The following OTOP1 variants were observed in gnomAD, a reference collection of about 807,000 sequenced individuals.
The protein encoded by OTOP1 is otopetrin 1, also known as proton channel OTOP1.
Under a neutral mutation model 52.9 loss-of-function variants are expected in OTOP1, and 59 were observed. The ratio of observed to expected loss-of-function variants is 1.12; its 90% CI spans 0.91 to 1.39. The LOEUF (loss-of-function observed/expected upper bound fraction) is 1.39. Among genes scored for constraint, OTOP1 ranks in the 40% most tolerant of loss-of-function variants. The pLI is 0.00. For missense variants in OTOP1, 761 were observed against 800.9 expected, an observed-to-expected ratio of 0.95 and a Z score of 0.60; for synonymous variants, 317 against 337.7, an observed-to-expected ratio of 0.94 and a Z score of 0.67.
chr4:4,222,650 C>G (rs1717327151), intron 1 of OTOP1, among the ~76,000 whole-genome samples: 1 of 152,190 alleles, frequency 6.6e-6, no homozygotes, highest in Non-Finnish European at 1.5e-5. Context: ...TGGAGTTAAG[C>G]AAGACCCTCA....
At chr4:4,221,676 C>G (rs1304047892) in intron 1 of OTOP1, among the ~76,000 whole-genome samples, 3 of 152,172 alleles carry the variant, frequency 2.0e-5, no homozygotes, top group Admixed American at 6.5e-5. Context: ...GTTTCTCTGC[C>G]TGAACATCAG....
intron 4 of OTOP1, among the ~76,000 whole-genome samples, chr4:4,200,873 A>G (rs2980132): frequency 0.67 from 102,235 of 151,950 alleles, 34,900 homozygotes; most frequent in African/African-American, 0.75. Context: ...CTTCAATTCA[A>G]GCAGGGCTTC....
At position 4,226,527 on chromosome 4, in the gene OTOP1, CG is replaced by C; in HGVS notation, c.337del (p.Arg113AlafsTer91). 6.3e-7 allele frequency: 1 copy of C among 1,597,468 alleles called. No individual in the cohort carries two copies. The highest frequency in any genetic ancestry group is 1.1e-5 in the South Asian group (1 of 89,916). On this transcript the variant is annotated frameshift_variant, in exon 1 of 6. Transcript: ENST00000296358. LOFTEE classifies it high-confidence loss of function. ...GAAGAGGCGGCGGTGCGCGGAGCTGCGGCCCACGTACCACAGCATCCACAGC... is the reference window on the plus strand; with the variant it reads ...GAAGAGGCGGCGGTGCGCGGAGCTGCGCCCACGTACCACAGCATCCACAGC... ...QLLWMLWYVG[R>X]SSAHRRLFRL...
At chr4:4,226,400 GC>G in intron 1 of OTOP1, 61 bp downstream of exon 1, 5 of 1,360,898 alleles carry the variant, frequency 3.7e-6, no homozygotes, top group Non-Finnish European at 4.7e-6. Flanking sequence ...GCGCAGAGCA[GC>G]CTCAGGATGC....
intron 1 of OTOP1, among the ~76,000 whole-genome samples, chr4:4,222,725 A>G (rs767784831): frequency 4.6e-5 from 7 of 152,188 alleles, no homozygotes; most frequent in Non-Finnish European, 8.8e-5. Flanking sequence ...CCCTCTGCCT[A>G]TTGATCTAAG....
At position 4,202,491 on chromosome 4, in the gene OTOP1, G is replaced by C. The variant is rs1433502713; in HGVS notation, c.687C>G (p.His229Gln). The C allele has an allele frequency of 3.1e-6, 5 of 1,613,936 alleles. No individual in the cohort carries two copies. The East Asian group carries it at 1.1e-4, about 36-fold the overall frequency. The change falls in exon 4 of 6, where the codon CAC becomes CAG. Residue 229 changes from histidine (H) to glutamine (Q), a missense_variant. This residue lies in a region of OTOP1 where 632 missense variants were observed against 619.5 expected (regional missense o/e 1.02). Coordinates refer to ENST00000296358, the MANE Select transcript of OTOP1 (RefSeq NM_177998.3). ...AACCCAGAGTGATGAGCCGTTCCTT[G>C]TGCTCATTGAGTTGGTGCTTTGACT... is the stretch of plus-strand genomic sequence containing the variant. Reference protein sequence around the residue: ...LNESKHQLNEHKERLITLGFG... With the variant: ...LNESKHQLNEQKERLITLGFG...
intron 2 of OTOP1, among the ~76,000 whole-genome samples, chr4:4,207,595 GTATATATATA>G (rs10582588): frequency 6.7e-6 from 1 of 149,938 alleles, no homozygotes; most frequent in Non-Finnish European, 1.5e-5. Context: ...CCACTTCTGG[GTATATATATA>G]TATATATATC....
intron 1 of OTOP1, among the ~76,000 whole-genome samples, chr4:4,226,106 G>C (rs1270611853): frequency 6.6e-6 from 1 of 152,210 alleles, no homozygotes; most frequent in Non-Finnish European, 1.5e-5. Flanking sequence ...ACGGGCCCTC[G>C]GGGGCCGAGT....
At position 4,203,707 on chromosome 4, in the gene OTOP1, G is replaced by A. The variant is rs139699895; in HGVS notation, c.600-1129C>T. Among the ~76,000 whole-genome samples, 1,126 of 152,342 alleles carry A rather than the reference G, an allele frequency of 7.4e-3. 2 individuals carry two copies. The highest frequency in any genetic ancestry group is 0.014 in the Middle Eastern group (4 of 294). On this transcript the variant is annotated intron_variant, in intron 3 of 5. Transcript: ENST00000296358. Reference sequence around the variant, plus strand: ...TAGCTTTCAGGGTACTTAGCAATGTGCCTCACAGGTAGCACGTGCAGCAAA... The same window carrying A: ...TAGCTTTCAGGGTACTTAGCAATGTACCTCACAGGTAGCACGTGCAGCAAA...
chr4:4,196,339 G>A (rs1369199991), intron 5 of OTOP1, among the ~76,000 whole-genome samples: 1 of 152,140 alleles, frequency 6.6e-6, no homozygotes, highest in Non-Finnish European at 1.5e-5. Context: ...ATCACTTGAG[G>A]TCAGGAGTTC....
In OTOP1 at chr4:4,197,575, C is replaced by G. The variant is rs151007916; in HGVS notation, c.1259G>C (p.Arg420Pro). 2.0e-3 allele frequency: 3,300 copies of G among 1,613,866 alleles called. 7 individuals are homozygous for G. Among genetic ancestry groups the G allele is most frequent in the Non-Finnish European group, 2.1e-3 (2,521 of 1,179,986 alleles). The stretch of plus-strand genomic sequence containing the variant: ...GTAGGGCAGGTTGTACCAGGTGTAG[C>G]GGGGGTGGCCCTCAGCACAGAGGAT... ...LAILCAEGHP[R>P]YTWYNLPYSI... is the part of the protein sequence containing the mutation. The change falls in exon 5 of 6, where the codon CGC becomes CCC. Residue 420 changes from arginine to proline, a missense_variant. Coordinates refer to ENST00000296358, the MANE Select transcript of OTOP1 (RefSeq NM_177998.3).
rs1716656561 is a variant in OTOP1 at position 4,197,200 on chromosome 4, T to C, written c.1634A>G (p.Asn545Ser). ...GCAGAGGAACAAGAAGGCTGCAATA[T>C]TCCTCAGGACTTTTCTCTTGGCGTT... ...QGNAKRKVLR[N>S]IAAFLFLCNI... Residue 545 changes from asparagine to serine, a missense_variant, in exon 5 of 6, where the codon AAT becomes AGT. Coordinates refer to ENST00000296358, the MANE Select transcript of OTOP1 (RefSeq NM_177998.3). 1.2e-6 allele frequency: 2 copies of C among 1,612,558 alleles called. No individual in the cohort carries two copies. Among genetic ancestry groups the C allele is most frequent in the Non-Finnish European group, 1.7e-6 (2 of 1,179,288 alleles).
chr4:4,208,081 A>T (rs1716947554), intron 2 of OTOP1, among the ~76,000 whole-genome samples: 2 of 152,168 alleles, frequency 1.3e-5, no homozygotes, highest in South Asian at 4.1e-4. Context: ...GCACAGGAAG[A>T]CATCAGGTAT....
At chr4:4,208,552 T>C (rs1275771559) in intron 2 of OTOP1, among the ~76,000 whole-genome samples, 1 of 152,152 alleles carries the variant, frequency 6.6e-6, no homozygotes, top group African/African-American at 2.4e-5. Context: ...ATGATTCAAT[T>C]TGTATGAGGC....
intron 1 of OTOP1, among the ~76,000 whole-genome samples, chr4:4,215,792 G>A (rs1378785914): frequency 6.6e-6 from 1 of 151,692 alleles, no homozygotes; most frequent in Non-Finnish European, 1.5e-5. Flanking sequence ...AAAATAGAAA[G>A]TTTATTTATT....
chr4:4,204,022 A>C (rs550577758), intron 3 of OTOP1, among the ~76,000 whole-genome samples: 2 of 152,252 alleles, frequency 1.3e-5, no homozygotes, highest in African/African-American at 2.4e-5. Flanking sequence ...ATTTATTAAA[A>C]GCAGACAACC....
At position 4,197,354 on chromosome 4, in the gene OTOP1, C is replaced by T; in HGVS notation, c.1480G>A (p.Asp494Asn). 6.2e-7 allele frequency: 1 copy of T among 1,614,074 alleles called. No individual in the cohort carries two copies. The highest frequency in any genetic ancestry group is 8.5e-7 in the Non-Finnish European group (1 of 1,180,012). The change falls in exon 5 of 6, where the codon GAC becomes AAC. Residue 494 changes from aspartate (D) to asparagine (N), a missense_variant. By Grantham distance (23) the Asp-to-Asn change is conservative. Coordinates refer to ENST00000296358, the MANE Select transcript of OTOP1 (RefSeq NM_177998.3). Reference protein sequence around the residue: ...VARDVAPQGKDMPPAANGNVC... With the variant: ...VARDVAPQGKNMPPAANGNVC... The stretch of plus-strand genomic sequence containing the variant: ...TTTCCATTGGCTGCTGGTGGCATGT[C>T]CTTGCCCTGGGGAGCCACATCTCTG...
At chr4:4,224,266 G>C (rs1717371759) in intron 1 of OTOP1, among the ~76,000 whole-genome samples, 1 of 151,764 alleles carries the variant, frequency 6.6e-6, no homozygotes, top group Non-Finnish European at 1.5e-5. Flanking sequence ...AGAATCGTTT[G>C]AACCCGGGAG....
At chr4:4,196,549 C>A (rs1716630489) in intron 5 of OTOP1, among the ~76,000 whole-genome samples, 4 of 152,104 alleles carry the variant, frequency 2.6e-5, no homozygotes, top group Admixed American at 2.6e-4. Flanking sequence ...AAGAGTGAAA[C>A]TCTGTCTCAA....
Sources: allele counts gnomAD v4.1 joint callset (sites outside exome capture counted in the v4.1 genomes callset), GRCh38; gene constraint gnomAD v4.1.1; regional missense constraint gnomAD v4.1.1; transcripts MANE v1.5; gene names NCBI Gene and HGNC (gene_info 2026-07-23, HGNC 2026-07-21).